USP33: variants seen among roughly 807,000 people sequenced by gnomAD.
USP33 encodes ubiquitin specific peptidase 33.
In USP33, 46 loss-of-function variants were observed where a neutral mutation model predicts 124.2. That is an observed-to-expected ratio of 0.37 (90% CI 0.29 to 0.47). USP33 has a LOEUF of 0.47. Ranked by LOEUF, USP33 falls within the 20% of genes least tolerant of loss-of-function variation. The pLI is 0.99. For missense variants in USP33, 851 were observed against 1,070.6 expected, an observed-to-expected ratio of 0.79 and a Z score of 2.86; for synonymous variants, 350 against 352.3, an observed-to-expected ratio of 0.99 and a Z score of 0.07.
intron 20 of USP33, among the ~76,000 whole-genome samples, chr1:77,712,493 C>T (rs1570751786): frequency 6.6e-6 from 1 of 151,498 alleles, no homozygotes; most frequent in Admixed American, 6.6e-5. Context: ...ACTGCACTCC[C>T]GACTGGGCGA....
chr1:77,738,221 GA>G (rs1193373730), intron 5 of USP33, among the ~76,000 whole-genome samples: 17 of 152,054 alleles, frequency 1.1e-4, no homozygotes, highest in Admixed American at 9.8e-4. Context: ...ACATACAACA[GA>G]AAAACCTGAC....
intron 21 of USP33, among the ~76,000 whole-genome samples, chr1:77,703,281 CT>C (rs1168062702): frequency 6.6e-6 from 1 of 152,158 alleles, no homozygotes; most frequent in East Asian, 1.9e-4. Flanking sequence ...TCCTTTAAGT[CT>C]TTGCTTAAAT....
At chr1:77,738,107 C>T (rs1050484783) in intron 5 of USP33, among the ~76,000 whole-genome samples, 18 of 152,316 alleles carry the variant, frequency 1.2e-4, no homozygotes, top group African/African-American at 4.1e-4. Flanking sequence ...AACTGAGAAA[C>T]TGAAAATGCA....
chr1:77,718,169 C>G (rs1676138994), intron 16 of USP33, 122 bp from the exon 17 acceptor site: 1 of 847,242 alleles, frequency 1.2e-6, no homozygotes. Context: ...AATCAAATTA[C>G]AATTATGAAG....
At chr1:77,725,996 C>G (rs1677117291) in intron 10 of USP33, among the ~76,000 whole-genome samples, 1 of 152,196 alleles carries the variant, frequency 6.6e-6, no homozygotes. Context: ...GTCCCCCAGG[C>G]TGCAGTGCAG....
chr1:77,744,874 G>A (rs375604746), intron 1 of USP33, among the ~76,000 whole-genome samples: 27 of 152,140 alleles, frequency 1.8e-4, no homozygotes, highest in African/African-American at 4.6e-4. Context: ...GAATAAGTGC[G>A]ACACGGTGCT....
intron 21 of USP33, 174 bp downstream of exon 21, chr1:77,711,573 T>TA (rs1219932285): frequency 9.2e-6 from 9 of 977,306 alleles, no homozygotes; most frequent in Non-Finnish European, 1.3e-5. Context: ...AGGGAGAACA[T>TA]AACTCAACAG....
chr1:77,723,527 A>G, intron 11 of USP33, 84 bp from the exon 12 acceptor site: 1 of 866,136 alleles, frequency 1.2e-6, no homozygotes, highest in Non-Finnish European at 1.8e-6. Context: ...TGTCAATCTT[A>G]CTTGTATATG....
Position 77,713,182 on chromosome 1 carries a change from C to A in USP33, c.2297+18G>T, listed in dbSNP as rs761849221. The A allele has an allele frequency of 6.3e-7, 1 of 1,594,390 alleles. No individual in the cohort carries two copies. The highest frequency in any genetic ancestry group is 8.5e-7 in the Non-Finnish European group (1 of 1,172,330). Reference sequence around the variant, plus strand: ...ACCGACTTTCACAACACTGTATGGTCTGATTTAAAAAACAAACCTGCTATA... The same window carrying A: ...ACCGACTTTCACAACACTGTATGGTATGATTTAAAAAACAAACCTGCTATA... On this transcript the variant is annotated intron_variant, in intron 20 of 23. Coordinates refer to ENST00000370794, the MANE Select transcript of USP33 (RefSeq NM_201624.3).
chr1:77,713,366 C>T, intron 19 of USP33, 85 bp from the exon 20 acceptor site: 4 of 1,109,680 alleles, frequency 3.6e-6, no homozygotes, highest in Non-Finnish European at 5.2e-6. Flanking sequence ...TTAACAGTAA[C>T]TAAATGACAG....
At chr1:77,751,834 A>C (rs7519946) in intron 1 of USP33, among the ~76,000 whole-genome samples, 2 of 151,432 alleles carry the variant, frequency 1.3e-5, no homozygotes, top group African/African-American at 4.8e-5. Flanking sequence ...GACTACAGGC[A>C]CCCGCCATCA....
At chr1:77,735,649 G>A (rs796563392) in intron 6 of USP33, among the ~76,000 whole-genome samples, 7 of 152,164 alleles carry the variant, frequency 4.6e-5, no homozygotes, top group African/African-American at 1.2e-4. Context: ...CAAATAGACC[G>A]GTTCTCAATT....
Position 77,721,860 on chromosome 1 carries a change from G to C in USP33, c.1628C>G (p.Ala543Gly), listed in dbSNP as rs1434476612. ...TAGTTCATCTCTGGCAAAGAAGGCA[G>C]CAAGACAATCTTGCAAGGTTACTAC... ...GPVVTLQDCLAAFFARDELKG... is the reference protein window; with the variant it reads ...GPVVTLQDCLGAFFARDELKG... The change falls in exon 14 of 24, where the codon GCT (alanine) becomes GGT (glycine). Residue 543 changes from alanine (A) to glycine (G), a missense_variant. Transcript: ENST00000370794. 2 of 1,609,696 alleles carry C rather than the reference G, an allele frequency of 1.2e-6. No homozygotes were observed. The highest frequency in any genetic ancestry group is 4.5e-5 in the East Asian group (2 of 44,826).
intron 17 of USP33, among the ~76,000 whole-genome samples, chr1:77,716,603 A>G (rs1675936402): frequency 6.6e-6 from 1 of 152,218 alleles, no homozygotes; most frequent in Admixed American, 6.5e-5. Context: ...CCTCCCCAGT[A>G]GAAAGCAATT....
intron 10 of USP33, among the ~76,000 whole-genome samples, chr1:77,726,200 T>C (rs1297005047): frequency 6.6e-6 from 1 of 152,198 alleles, no homozygotes; most frequent in East Asian, 1.9e-4. Context: ...TCCACCCACT[T>C]TGGCCTCCCA....
At chr1:77,748,416 ATCC>A (rs1355002008) in intron 1 of USP33, among the ~76,000 whole-genome samples, 3 of 152,120 alleles carry the variant, frequency 2.0e-5, no homozygotes, top group African/African-American at 7.2e-5. Flanking sequence ...CACATCTGTA[ATCC>A]CAGCAATTTG....
intron 14 of USP33, chr1:77,721,497 T>A: frequency 1.9e-6 from 1 of 514,454 alleles, no homozygotes; most frequent in East Asian, 3.4e-5. Flanking sequence ...AAATAGTGAA[T>A]GACCTTAAAT....
At chr1:77,707,564 T>G (rs915298735) in intron 21 of USP33, among the ~76,000 whole-genome samples, 1 of 152,200 alleles carries the variant, frequency 6.6e-6, no homozygotes, top group African/African-American at 2.4e-5. Context: ...AATATCTTTT[T>G]GGGAACCACC....
In USP33 at chr1:77,721,379, TC is replaced by T. The variant is rs1676543524; in HGVS notation, c.1658-175del. ...ACTGTTTACCTTCCCCTCCCTTAAC[TC>T]CTGCCAACATTGAAGACCTACCTCA... is the stretch of plus-strand genomic sequence containing the variant. On this transcript the variant is annotated intron_variant, in intron 14 of 23. Coordinates refer to ENST00000370794, the MANE Select transcript of USP33 (RefSeq NM_201624.3). 3 of 634,748 alleles carry T rather than the reference TC, an allele frequency of 4.7e-6. No individual in the cohort carries two copies. The South Asian group carries it at 6.1e-5, about 13-fold the overall frequency. The allele number at this position is 634,748 out of a possible 1,614,324, so 39.3% of individuals were successfully genotyped here. A position where few individuals can be genotyped will look rare whatever the true frequency, so the allele number is the denominator to read the frequency against.
Sources: gnomAD v4.1 joint callset for allele counts (sites outside exome capture counted in the v4.1 genomes callset) on GRCh38, gnomAD v4.1.1 for gene constraint, MANE v1.5 for transcripts, NCBI Gene and HGNC (gene_info 2026-07-23, HGNC 2026-07-21) for gene names.